Variants in HIVEP3 observed in about 807,000 individuals in gnomAD.
The protein encoded by HIVEP3 is transcription factor HIVEP3.
A neutral mutation model predicts 152.8 loss-of-function variants in HIVEP3; 49 were observed. That is an observed-to-expected ratio of 0.32 (90% CI 0.26 to 0.41). The LOEUF (loss-of-function observed/expected upper bound fraction) is 0.41, where lower values mean the gene tolerates loss of function less well. Among genes scored for constraint, HIVEP3 ranks in the 10% least tolerant of loss-of-function variants. HIVEP3 has a pLI of 1.00. For missense variants in HIVEP3, 2,790 were observed against 3,103.3 expected (o/e 0.90, Z 2.40); for synonymous variants, 1,269 against 1,289.0 (o/e 0.98, Z 0.33).
intron 3 of HIVEP3, among the ~76,000 whole-genome samples, chr1:41,608,702 A>G (rs931215199): frequency 1.3e-5 from 2 of 152,144 alleles, no homozygotes; most frequent in Admixed American, 6.5e-5. Context: ...CTATCTTCCT[A>G]AGATTTAGGA....
intron 1 of HIVEP3, among the ~76,000 whole-genome samples, chr1:41,977,864 T>A (rs1184877723): frequency 1.3e-5 from 2 of 152,234 alleles, no homozygotes; most frequent in African/African-American, 4.8e-5. Context: ...CTCACGTGGA[T>A]GCTTCAGCTC....
At chr1:41,609,064 A>T (rs1473060238) in intron 3 of HIVEP3, among the ~76,000 whole-genome samples, 1 of 123,612 alleles carries the variant, frequency 8.1e-6, no homozygotes, top group Non-Finnish European at 1.8e-5. Flanking sequence ...CGTCTCAATA[A>T]AAAAAAAAAA....
intron 1 of HIVEP3, among the ~76,000 whole-genome samples, chr1:41,703,888 C>G (rs548439053): frequency 6.6e-6 from 1 of 152,306 alleles, no homozygotes; most frequent in South Asian, 2.1e-4. Flanking sequence ...GGAGGAGATT[C>G]GTGATTCCAG....
At chr1:41,836,602 G>T (rs1643131026) in intron 1 of HIVEP3, among the ~76,000 whole-genome samples, 1 of 152,198 alleles carries the variant, frequency 6.6e-6, no homozygotes, top group African/African-American at 2.4e-5. Flanking sequence ...CTGGTCATGT[G>T]GATTCCCACA....
At chr1:41,722,403 G>GCCTTCCTGCCTTCCTT (rs1553253036) in intron 1 of HIVEP3, among the ~76,000 whole-genome samples, 35 of 112,974 alleles carry the variant, frequency 3.1e-4, no homozygotes, top group Non-Finnish European at 5.6e-4. Flanking sequence ...AATTTGGCTG[G>GCCTTCCTGCCTTCCTT]CCTTCCTTCC....
intron 1 of HIVEP3, among the ~76,000 whole-genome samples, chr1:42,030,276 C>T (rs1299204249): frequency 1.3e-5 from 2 of 152,152 alleles, no homozygotes; most frequent in African/African-American, 4.8e-5. Flanking sequence ...AGCTCATCAG[C>T]TATCATTAAT....
intron 5 of HIVEP3, among the ~76,000 whole-genome samples, chr1:41,571,105 C>T (rs903484202): frequency 2.0e-5 from 3 of 152,012 alleles, no homozygotes; most frequent in Non-Finnish European, 2.9e-5. Context: ...TCCTGCAGCA[C>T]GCAGGGTCTG....
chr1:41,716,371 G>A (rs913434388), intron 1 of HIVEP3, among the ~76,000 whole-genome samples: 1 of 152,210 alleles, frequency 6.6e-6, no homozygotes, highest in Admixed American at 6.5e-5. Flanking sequence ...TATCATCACA[G>A]GATGGAGAGA....
rs1218302973 is a variant in HIVEP3, at chr1:41,524,870, C to T, written c.5248G>A (p.Gly1750Ser). 9 of 1,614,034 alleles carry T rather than the reference C, an allele frequency of 5.6e-6. No individual in the cohort carries two copies. Among genetic ancestry groups the T allele is most frequent in the Non-Finnish European group, 7.6e-6 (9 of 1,180,010 alleles). ...TCCTCACAAACATATTTCCCTCGGC[C>T]GCGGCCTCGCACATATACATACTCT... The part of the protein sequence containing the change: ...NEEYVYVRGR[G>S]RGKYVCEECG... The change falls in exon 6 of 9, where the codon GGC (glycine) becomes AGC (serine). Residue 1750 changes from glycine to serine, a missense_variant. Gly to Ser is a moderately conservative substitution (Grantham distance 56). Around this residue, in one of 9 missense-constraint regions of HIVEP3, gnomAD observed 57 missense variants for 95.1 expected, o/e 0.60. Transcript: ENST00000372583.
intron 1 of HIVEP3, among the ~76,000 whole-genome samples, chr1:41,783,003 T>C (rs1649142803): frequency 6.6e-6 from 1 of 152,084 alleles, no homozygotes; most frequent in South Asian, 2.1e-4. Flanking sequence ...GCCAGGGCTG[T>C]GGTTTTCAAA....
At chr1:41,622,567 G>A (rs900941137) in intron 3 of HIVEP3, among the ~76,000 whole-genome samples, 1 of 152,198 alleles carries the variant, frequency 6.6e-6, no homozygotes, top group Non-Finnish European at 1.5e-5. Context: ...ATCTGTGGTT[G>A]CTTCCAGGCT....
intron 2 of HIVEP3, among the ~76,000 whole-genome samples, chr1:41,648,363 C>T (rs1645493575): frequency 6.6e-6 from 1 of 152,206 alleles, no homozygotes; most frequent in African/African-American, 2.4e-5. Context: ...ACTCAACCAT[C>T]ATCACCACCA....
intron 2 of HIVEP3, among the ~76,000 whole-genome samples, chr1:41,685,193 G>A (rs1432569493): frequency 6.6e-6 from 1 of 152,204 alleles, no homozygotes; most frequent in East Asian, 1.9e-4. Flanking sequence ...ACTGTACCTT[G>A]CTGTTTGAAT....
chr1:41,689,330 G>A (rs777339292), intron 2 of HIVEP3, among the ~76,000 whole-genome samples: 11 of 152,162 alleles, frequency 7.2e-5, no homozygotes, highest in Non-Finnish European at 1.5e-4. Flanking sequence ...TGCAAACCAC[G>A]AGGGAATAGG....
In HIVEP3 at chr1:42,035,573, G is replaced by T. The variant is rs949228355; in HGVS notation, n.119+234C>A. ...TTGTGTAATCGGCCCGGGAAGGGGG[G>T]CTCGGGACAGCTCCCTGCGCCGGAG... On this transcript the variant is annotated intron_variant and non_coding_transcript_variant, in intron 1 of 3. Transcript: ENST00000489103. Among the ~76,000 whole-genome samples, 6 of 152,228 alleles carry T rather than the reference G, an allele frequency of 3.9e-5. No individual in the cohort carries two copies. The East Asian group carries it at 1.2e-3, about 30-fold the overall frequency.
At chr1:41,534,147 C>T (rs949590629) in intron 5 of HIVEP3, among the ~76,000 whole-genome samples, 5 of 152,194 alleles carry the variant, frequency 3.3e-5, no homozygotes, top group Admixed American at 2.0e-4. Context: ...CCACTGCCTC[C>T]TTTCTTCACA....
At chr1:41,572,583 G>T (rs1180422007) in intron 5 of HIVEP3, among the ~76,000 whole-genome samples, 2 of 152,198 alleles carry the variant, frequency 1.3e-5, no homozygotes, top group East Asian at 3.9e-4. Flanking sequence ...AGCACCTTGA[G>T]GGCAGGATGA....
At chr1:41,829,653 A>T (rs1236705587) in intron 1 of HIVEP3, among the ~76,000 whole-genome samples, 1 of 151,924 alleles carries the variant, frequency 6.6e-6, no homozygotes, top group Non-Finnish European at 1.5e-5. Flanking sequence ...AAGCAAGCAC[A>T]TACAAACCTA....
chr1:42,001,601 G>C (rs967319425), intron 1 of HIVEP3, among the ~76,000 whole-genome samples: 4 of 152,118 alleles, frequency 2.6e-5, no homozygotes, highest in African/African-American at 9.7e-5. Flanking sequence ...GCTGGGCCCC[G>C]AAGACACAGC....
Sources: allele counts gnomAD v4.1 joint callset (sites outside exome capture counted in the v4.1 genomes callset), GRCh38; gene constraint gnomAD v4.1.1; regional missense constraint gnomAD v4.1.1; transcripts MANE v1.5; gene names NCBI Gene and HGNC (gene_info 2026-07-23, HGNC 2026-07-21).